MECOM: variants seen among roughly 807,000 people sequenced by gnomAD.
The protein encoded by MECOM is histone-lysine N-methyltransferase MECOM.
A neutral mutation model predicts 116.3 loss-of-function variants in MECOM; 13 were observed. The ratio of observed to expected loss-of-function variants is 0.11; its 90% CI spans 0.07 to 0.18. MECOM has a LOEUF of 0.18. Ranked by LOEUF, MECOM falls within the 10% of genes least tolerant of loss-of-function variation. The probability of loss-of-function intolerance (pLI) is 1.00; values close to 1 mark genes in which losing one functional copy is unlikely to be tolerated. For synonymous variants in MECOM, 528 were observed against 535.2 expected (o/e 0.99, Z 0.19); for missense variants, 1,299 against 1,509.0 (o/e 0.86, Z 2.31).
At chr3:169,295,777 C>T (rs777951088) in intron 2 of MECOM, among the ~76,000 whole-genome samples, 3 of 152,150 alleles carry the variant, frequency 2.0e-5, no homozygotes, top group Non-Finnish European at 4.4e-5. Context: ...CTCTCTACCT[C>T]CACCAAAACA....
At chr3:169,589,361 G>A (rs1353122593) in intron 1 of MECOM, among the ~76,000 whole-genome samples, 1 of 151,962 alleles carries the variant, frequency 6.6e-6, no homozygotes, top group African/African-American at 2.4e-5. Context: ...AGAAGTAACT[G>A]AAAATTTCAT....
rs1274087375 is a variant in MECOM, at chr3:169,485,271, A to G, written c.38-103747T>C. Among the ~76,000 whole-genome samples the G allele has an allele frequency of 2.6e-5, 4 of 152,186 alleles. No homozygotes were observed. The East Asian group carries it at 5.8e-4, about 22-fold the overall frequency. Reference sequence around the variant, plus strand: ...CGGCCTCCCAAAGTGCTAGGATTACAGGGATGAACCACTGCACCCAGCCGC... The same window carrying G: ...CGGCCTCCCAAAGTGCTAGGATTACGGGGATGAACCACTGCACCCAGCCGC... On this transcript the variant is annotated intron_variant, in intron 1 of 16. Transcript: ENST00000651503.
chr3:169,158,463 C>G (rs1218709857), intron 2 of MECOM, among the ~76,000 whole-genome samples: 1 of 152,144 alleles, frequency 6.6e-6, no homozygotes, highest in Non-Finnish European at 1.5e-5. Context: ...CAGGAAAGAG[C>G]ATGAGACGGA....
chr3:169,474,647 G>A (rs1454934562), intron 1 of MECOM, among the ~76,000 whole-genome samples: 1 of 152,156 alleles, frequency 6.6e-6, no homozygotes, highest in African/African-American at 2.4e-5. Context: ...GGCAGCCCAT[G>A]TTTTGTGTAA....
intron 1 of MECOM, among the ~76,000 whole-genome samples, chr3:169,416,087 A>G (rs1425646391): frequency 6.6e-6 from 1 of 152,222 alleles, no homozygotes; most frequent in Non-Finnish European, 1.5e-5. Flanking sequence ...TCTCAGCAAC[A>G]CATAGCACTT....
chr3:169,459,764 G>A (rs1050095977), intron 1 of MECOM, among the ~76,000 whole-genome samples: 1 of 75,262 alleles, frequency 1.3e-5, no homozygotes, highest in Non-Finnish European at 2.4e-5. Context: ...CCTGTTTCAG[G>A]TGTATAAGGG....
intron 1 of MECOM, among the ~76,000 whole-genome samples, chr3:169,554,847 G>C (rs546041249): frequency 1.3e-5 from 2 of 152,164 alleles, no homozygotes; most frequent in African/African-American, 4.8e-5. Flanking sequence ...GGTAATAGGG[G>C]GTTGGGGGCA....
At chr3:169,343,082 G>A (rs1014542464) in intron 2 of MECOM, among the ~76,000 whole-genome samples, 1 of 152,122 alleles carries the variant, frequency 6.6e-6, no homozygotes, top group South Asian at 2.1e-4. Context: ...GCAAAGAAAG[G>A]AAACAATCAG....
rs530368198 is a variant in MECOM at position 169,282,404 on chromosome 3, C to A, written c.375+98783G>T. 8.5e-5 allele frequency among the ~76,000 whole-genome samples: 13 copies of A among 152,276 alleles called. No individual in the cohort carries two copies. The South Asian group carries it at 2.5e-3, about 29-fold the overall frequency. The stretch of plus-strand genomic sequence containing the variant: ...CCCCCAGATATGCTGCATAGACCTA[C>A]AATTAGACCCCAAATCTAGGGAGAA... On this transcript the variant is annotated intron_variant, in intron 2 of 16. Coordinates refer to ENST00000651503, the MANE Select transcript of MECOM (RefSeq NM_004991.4).
intron 1 of MECOM, among the ~76,000 whole-genome samples, chr3:169,458,132 T>C (rs934475962): frequency 1.2e-4 from 18 of 152,108 alleles, no homozygotes; most frequent in Non-Finnish European, 4.4e-5. Flanking sequence ...TGCTAATGAG[T>C]TTACAGGCCT....
At chr3:169,111,470 C>T (rs1727380152) in intron 9 of MECOM, among the ~76,000 whole-genome samples, 1 of 152,038 alleles carries the variant, frequency 6.6e-6, no homozygotes, top group Non-Finnish European at 1.5e-5. Context: ...TGCTACATTC[C>T]AGTTTATTAG....
chr3:169,649,197 C>T (rs1774556905), intron 1 of MECOM, among the ~76,000 whole-genome samples: 1 of 152,062 alleles, frequency 6.6e-6, no homozygotes, highest in Non-Finnish European at 1.5e-5. Flanking sequence ...CAGTGGCTCA[C>T]TCCTGTAATC....
chr3:169,154,413 T>C (rs1741632485), intron 2 of MECOM, among the ~76,000 whole-genome samples: 1 of 115,484 alleles, frequency 8.7e-6, no homozygotes, highest in Non-Finnish European at 1.8e-5. Flanking sequence ...ATTTAGTAGA[T>C]GTTTGTTGAA....
At chr3:169,624,587 G>A (rs1771126239) in intron 1 of MECOM, among the ~76,000 whole-genome samples, 1 of 152,244 alleles carries the variant, frequency 6.6e-6, no homozygotes, top group East Asian at 1.9e-4. Flanking sequence ...CCCTCTGATG[G>A]GAACAGCTGT....
At chr3:169,591,690 G>A (rs901484314) in intron 1 of MECOM, among the ~76,000 whole-genome samples, 2 of 152,094 alleles carry the variant, frequency 1.3e-5, no homozygotes, top group Non-Finnish European at 2.9e-5. Context: ...GTGTGGATTT[G>A]AGAGACAATC....
intron 2 of MECOM, among the ~76,000 whole-genome samples, chr3:169,324,082 C>T (rs1379978762): frequency 6.6e-6 from 1 of 152,090 alleles, no homozygotes; most frequent in Non-Finnish European, 1.5e-5. Flanking sequence ...CTGGGGCTTC[C>T]TGAGTTATAC....
chr3:169,558,175 A>T (rs1363983718), intron 1 of MECOM, among the ~76,000 whole-genome samples: 2 of 152,212 alleles, frequency 1.3e-5, no homozygotes, highest in Non-Finnish European at 1.5e-5. Flanking sequence ...CAAATCAGAG[A>T]ATGGTTTGGA....
intron 2 of MECOM, among the ~76,000 whole-genome samples, chr3:169,288,857 T>G (rs1352104772): frequency 6.6e-6 from 1 of 152,204 alleles, no homozygotes. Flanking sequence ...TTGCATAAAG[T>G]TGCCTCAAGG....
intron 2 of MECOM, among the ~76,000 whole-genome samples, chr3:169,380,422 C>T (rs1245478413): frequency 2.0e-5 from 3 of 152,094 alleles, no homozygotes; most frequent in Non-Finnish European, 2.9e-5. Context: ...CTGTATAAAA[C>T]TTACACTCAG....
Sources: gnomAD v4.1 joint callset for allele counts (sites outside exome capture counted in the v4.1 genomes callset) on GRCh38, gnomAD v4.1.1 for gene constraint, MANE v1.5 for transcripts, NCBI Gene and HGNC (gene_info 2026-07-23, HGNC 2026-07-21) for gene names.